FAM240B: variants seen among roughly 807,000 people sequenced by gnomAD.
FAM240B encodes protein FAM240B.
chr9:38,712,043 G>C (rs1302799999), intron 1 of FAM240B, among the ~76,000 whole-genome samples: 1 of 152,120 alleles, frequency 6.6e-6, no homozygotes, highest in Non-Finnish European at 1.5e-5. Context: ...AGCCACCTCA[G>C]ATTTTGCCGG....
intron 1 of FAM240B, among the ~76,000 whole-genome samples, chr9:38,712,173 G>A (rs1017301331): frequency 2.0e-5 from 3 of 152,112 alleles, no homozygotes; most frequent in Non-Finnish European, 4.4e-5. Context: ...GGAGAAAAAA[G>A]CTTATACTGG....
In FAM240B at chr9:38,716,501, C is replaced by T. The variant is rs141479441; in HGVS notation, c.-4+3521G>A. On this transcript the variant is annotated intron_variant, in intron 1 of 2. Coordinates refer to ENST00000637493, the MANE Select transcript of FAM240B (RefSeq NM_001394922.1). ...TAAAATAATTTTTTTAAAAAATGGT[C>T]CCCTTCACACAGTGTGCTCAGTGGA... 4.0e-3 allele frequency among the ~76,000 whole-genome samples: 601 copies of T among 152,110 alleles called. 2 individuals are homozygous for T. The highest frequency in any genetic ancestry group is 6.4e-3 in the Admixed American group (98 of 15,278).
intron 1 of FAM240B, among the ~76,000 whole-genome samples, chr9:38,713,650 A>G (rs1029614969): frequency 1.3e-5 from 2 of 152,154 alleles, no homozygotes; most frequent in African/African-American, 4.8e-5. Flanking sequence ...GTGTGCTGTA[A>G]TTATGTAAGA....
intron 2 of FAM240B, among the ~76,000 whole-genome samples, chr9:38,695,328 C>T (rs1821057766): frequency 6.6e-6 from 1 of 152,134 alleles, no homozygotes; most frequent in Non-Finnish European, 1.5e-5. Flanking sequence ...CGAGACCATC[C>T]TGGCTAACAC....
chr9:38,717,745 G>A (rs1336032407), intron 1 of FAM240B, among the ~76,000 whole-genome samples: 7 of 152,080 alleles, frequency 4.6e-5, no homozygotes, highest in Non-Finnish European at 1.0e-4. Flanking sequence ...GCCTCCCAAA[G>A]TTCTGGGATT....
chr9:38,701,838 A>AT (rs1391730195), intron 2 of FAM240B, among the ~76,000 whole-genome samples: 1 of 152,196 alleles, frequency 6.6e-6, no homozygotes, highest in Non-Finnish European at 1.5e-5. Flanking sequence ...ATTGATTGCC[A>AT]TTTTTATAAC....
At chr9:38,716,387 G>T (rs1171427848) in intron 1 of FAM240B, among the ~76,000 whole-genome samples, 5 of 152,144 alleles carry the variant, frequency 3.3e-5, no homozygotes, top group Non-Finnish European at 7.4e-5. Flanking sequence ...CAGGAGAATC[G>T]CTTGAACTGG....
chr9:38,714,933 T>C lies in FAM240B; in HGVS notation c.-4+5089A>G, dbSNP rs139230010. Reference sequence around the variant, plus strand: ...TGAATCTGATAAATTCTGCAGTAAATTTTATTGTACCAATGCTAATTTTAT... The same window carrying C: ...TGAATCTGATAAATTCTGCAGTAAACTTTATTGTACCAATGCTAATTTTAT... On this transcript the variant is annotated intron_variant, in intron 1 of 2. Transcript: ENST00000637493. 7.2e-3 allele frequency among the ~76,000 whole-genome samples: 1,090 copies of C among 152,312 alleles called. 12 individuals are homozygous for C. The highest frequency in any genetic ancestry group is 0.025 in the African/African-American group (1,022 of 41,572).
At chr9:38,711,363 A>C (rs139336967) in intron 1 of FAM240B, among the ~76,000 whole-genome samples, 1 of 152,134 alleles carries the variant, frequency 6.6e-6, no homozygotes, top group Non-Finnish European at 1.5e-5. Flanking sequence ...TTTTCACCCA[A>C]GGTGAAAATA....
At position 38,694,676 on chromosome 9, in the gene FAM240B, G is replaced by C. The variant is rs1821046149; in HGVS notation, c.*100C>G. On this transcript the variant is annotated 3_prime_UTR_variant, in exon 3 of 3. Coordinates refer to ENST00000637493, the MANE Select transcript of FAM240B (RefSeq NM_001394922.1). ...CCTAGCAAATGGAAGCACAAATAGA[G>C]AGCGTCCTGTTTAGTAAATCAGCAC... 2 of 397,476 alleles carry C rather than the reference G, an allele frequency of 5.0e-6. No homozygotes were observed. The highest frequency in any genetic ancestry group is 4.4e-5 in the Admixed American group (1 of 22,690). 24.6% of individuals were successfully genotyped at this position (397,476 alleles called of 1,614,324 possible).
At chr9:38,709,170 C>T (rs917096733) in intron 1 of FAM240B, among the ~76,000 whole-genome samples, 3 of 152,148 alleles carry the variant, frequency 2.0e-5, no homozygotes, top group African/African-American at 7.2e-5. Flanking sequence ...TATTTCACAG[C>T]CTCACTGCTT....
rs558810636 is a variant in FAM240B at position 38,716,693 on chromosome 9, C to G, written c.-4+3329G>C. 2.6e-5 allele frequency among the ~76,000 whole-genome samples: 4 copies of G among 152,264 alleles called. No individual in the cohort carries two copies. The South Asian group carries it at 8.3e-4, about 32-fold the overall frequency. ...AAAATTGGCTAACATATTGTTTCTC[C>G]CCTCTGCTTCACCAAACTGCCAGTC... On this transcript the variant is annotated intron_variant, in intron 1 of 2. Transcript: ENST00000637493.
intron 1 of FAM240B, among the ~76,000 whole-genome samples, chr9:38,716,854 C>T (rs1052644171): frequency 1.3e-5 from 2 of 152,150 alleles, no homozygotes; most frequent in Admixed American, 6.5e-5. Context: ...ACATTGTTTA[C>T]TTTTAGAAAT....
intron 1 of FAM240B, among the ~76,000 whole-genome samples, chr9:38,706,565 C>T (rs1821192643): frequency 6.6e-6 from 1 of 152,174 alleles, no homozygotes. Context: ...CTTCCAAGAG[C>T]CGGCCCCTTT....
chr9:38,698,028 G>A (rs118054778), intron 2 of FAM240B, among the ~76,000 whole-genome samples: 52 of 152,304 alleles, frequency 3.4e-4, no homozygotes, highest in South Asian at 1.0e-3. Flanking sequence ...TTTACATATG[G>A]CTATGGCTGC....
At chr9:38,713,115 C>G (rs1322069123) in intron 1 of FAM240B, among the ~76,000 whole-genome samples, 2 of 152,136 alleles carry the variant, frequency 1.3e-5, no homozygotes, top group East Asian at 3.8e-4. Context: ...GAACCTCACC[C>G]AGTAGAGGAG....
chr9:38,718,497 CAGG>C (rs1276632636), intron 1 of FAM240B, among the ~76,000 whole-genome samples: 1 of 152,126 alleles, frequency 6.6e-6, no homozygotes, highest in Non-Finnish European at 1.5e-5. Flanking sequence ...GTCTTGGACT[CAGG>C]AGAACATATC....
At chr9:38,719,398 C>T (rs1821346606) in intron 1 of FAM240B, among the ~76,000 whole-genome samples, 1 of 152,056 alleles carries the variant, frequency 6.6e-6, no homozygotes. Flanking sequence ...TTAAAGAGTG[C>T]TAGAACTCAC....
chr9:38,711,577 C>T (rs1332434587), intron 1 of FAM240B, among the ~76,000 whole-genome samples: 1 of 152,114 alleles, frequency 6.6e-6, no homozygotes, highest in Non-Finnish European at 1.5e-5. Context: ...AGTTTCTTGG[C>T]TTAACACCTT....
Sources: allele counts gnomAD v4.1 joint callset (sites outside exome capture counted in the v4.1 genomes callset), GRCh38; gene constraint gnomAD v4.1.1; transcripts MANE v1.5; gene names NCBI Gene and HGNC (gene_info 2026-07-23, HGNC 2026-07-21).